KCNMA1: variants seen among roughly 807,000 people sequenced by gnomAD.
KCNMA1 encodes potassium calcium-activated channel subfamily M alpha 1.
A neutral mutation model predicts 140.0 loss-of-function variants in KCNMA1; 29 were observed. The ratio of observed to expected loss-of-function variants is 0.21; its 90% CI spans 0.15 to 0.28. The LOEUF (loss-of-function observed/expected upper bound fraction) is 0.28, where lower values mean the gene tolerates loss of function less well. Ranked by LOEUF, KCNMA1 falls within the 10% of genes least tolerant of loss-of-function variation. The pLI, the probability that KCNMA1 is intolerant of heterozygous loss-of-function variation, is 1.00. For missense variants in KCNMA1, 880 were observed against 1,602.2 expected (o/e 0.55, Z 7.70); for synonymous variants, 612 against 611.9 (o/e 1.00, Z 0.00).
chr10:77,198,061 A>AT (rs2041191364), intron 3 of KCNMA1, among the ~76,000 whole-genome samples: 1 of 152,150 alleles, frequency 6.6e-6, no homozygotes, highest in Non-Finnish European at 1.5e-5. Context: ...TTTATAATGT[A>AT]TTTCACTTCA....
rs536870333 is a variant in KCNMA1, at chr10:76,958,528, T to G, written c.2361-4604A>C. ...TTTTATGTGAAGTCTTAACCGCCGGTACCTCAGAATGTGACTGTATTTTGA... is the reference window on the plus strand; with the variant it reads ...TTTTATGTGAAGTCTTAACCGCCGGGACCTCAGAATGTGACTGTATTTTGA... On this transcript the variant is annotated intron_variant, in intron 20 of 27. Coordinates refer to ENST00000286628, the MANE Select transcript of KCNMA1 (RefSeq NM_001161352.2). Among the ~76,000 whole-genome samples, 10 of 152,334 alleles carry G rather than the reference T, an allele frequency of 6.6e-5. No individual in the cohort carries two copies. The South Asian group carries it at 2.1e-3, about 32-fold the overall frequency.
chr10:77,465,450 C>T (rs1207949099), intron 1 of KCNMA1, among the ~76,000 whole-genome samples: 1 of 152,174 alleles, frequency 6.6e-6, no homozygotes, highest in Admixed American at 6.6e-5. Context: ...TACAGAAATA[C>T]TCAGAGTTTT....
rs570314163 is a variant in KCNMA1 at position 77,328,966 on chromosome 10, G to A, written c.540+74896C>T. ...TGCCATTCTCCTGCCTCAGCCTCCC[G>A]AGTAGCTGGGACTACAGGCGCCTGC... On this transcript the variant is annotated intron_variant, in intron 2 of 27. Coordinates refer to ENST00000286628, the MANE Select transcript of KCNMA1 (RefSeq NM_001161352.2). Among the ~76,000 whole-genome samples the A allele has an allele frequency of 4.0e-5, 6 of 151,830 alleles. No individual in the cohort carries two copies. In the South Asian group the frequency reaches 8.4e-4, roughly 21 times the overall value.
intron 21 of KCNMA1, chr10:76,949,606 C>T (rs1239015612): frequency 1.8e-6 from 1 of 556,022 alleles, no homozygotes; most frequent in Non-Finnish European, 3.2e-6. Flanking sequence ...CACATTGCTA[C>T]CTTCTTTGAC....
intron 2 of KCNMA1, among the ~76,000 whole-genome samples, chr10:77,383,629 T>C (rs933142648): frequency 2.6e-5 from 4 of 152,170 alleles, no homozygotes; most frequent in African/African-American, 7.2e-5. Flanking sequence ...ATACAAAATA[T>C]TATCAATAAG....
intron 18 of KCNMA1, among the ~76,000 whole-genome samples, chr10:77,010,093 C>T: frequency 6.6e-6 from 1 of 152,164 alleles, no homozygotes; most frequent in Non-Finnish European, 1.5e-5. Context: ...TTCCTTGATA[C>T]TCTGTGGGAT....
intron 24 of KCNMA1, chr10:76,913,896 G>A (rs1288836037): frequency 1.6e-6 from 1 of 615,898 alleles, no homozygotes; most frequent in Admixed American, 2.9e-5. Flanking sequence ...GAACAAGACA[G>A]TCGATTCCAA....
intron 1 of KCNMA1, among the ~76,000 whole-genome samples, chr10:77,498,278 T>C (rs2042643747): frequency 6.6e-6 from 1 of 152,164 alleles, no homozygotes; most frequent in Non-Finnish European, 1.5e-5. Context: ...CGGGACTCCC[T>C]GGTCACTATG....
exon 28 of KCNMA1, chr10:76,870,875 T>C (rs1027360659): frequency 2.6e-5 from 4 of 152,290 alleles, no homozygotes; most frequent in Non-Finnish European, 5.9e-5. Flanking sequence ...AGTGAGTCTT[T>C]TGACTTGTGC....
At chr10:77,560,023 A>G (rs552446661) in intron 1 of KCNMA1, among the ~76,000 whole-genome samples, 1 of 148,184 alleles carries the variant, frequency 6.7e-6, no homozygotes, top group African/African-American at 2.5e-5. Context: ...TAAAAATACA[A>G]AAAAAAAAAA....
intron 3 of KCNMA1, among the ~76,000 whole-genome samples, chr10:77,204,756 A>C (rs1424064594): frequency 6.6e-6 from 1 of 152,202 alleles, no homozygotes. Flanking sequence ...TCTATAGATA[A>C]CAACTTGAAC....
At chr10:77,136,402 G>C (rs547124487) in intron 5 of KCNMA1, among the ~76,000 whole-genome samples, 1 of 152,234 alleles carries the variant, frequency 6.6e-6, no homozygotes, top group South Asian at 2.1e-4. Flanking sequence ...GCTGAGGGGA[G>C]AGGAAAAATT....
At chr10:77,057,839 T>A (rs1248918194) in intron 14 of KCNMA1, among the ~76,000 whole-genome samples, 2 of 151,716 alleles carry the variant, frequency 1.3e-5, no homozygotes, top group South Asian at 2.1e-4. Context: ...TTTTGAAAAA[T>A]TAGTCTAATT....
chr10:77,421,301 C>G (rs1405463756), intron 1 of KCNMA1, among the ~76,000 whole-genome samples: 1 of 152,206 alleles, frequency 6.6e-6, no homozygotes, highest in African/African-American at 2.4e-5. Flanking sequence ...CCTAACTCAC[C>G]CTCCACCTCC....
In KCNMA1 at chr10:77,637,765, C is replaced by A; in HGVS notation, c.-123G>T. Reference sequence around the variant, plus strand: ...TGCCGCCGCCGCCGCCGCCGCGGAGCGCGGGAGGGGGGCGGGGAGGCGCCT... The same window carrying A: ...TGCCGCCGCCGCCGCCGCCGCGGAGAGCGGGAGGGGGGCGGGGAGGCGCCT... On this transcript the variant is annotated 5_prime_UTR_variant, in exon 1 of 28. Transcript: ENST00000286628. 7.9e-7 allele frequency: 1 copy of A among 1,260,208 alleles called. No homozygotes were observed. The highest frequency in any genetic ancestry group is 1.0e-6 in the Non-Finnish European group (1 of 1,001,986). The allele number at this position is 1,260,208 out of a possible 1,614,324, so 78.1% of individuals were successfully genotyped here. A position where few individuals can be genotyped will look rare whatever the true frequency, so the allele number is the denominator to read the frequency against.
chr10:77,571,282 A>G (rs1219190989), intron 1 of KCNMA1, among the ~76,000 whole-genome samples: 1 of 152,210 alleles, frequency 6.6e-6, no homozygotes, highest in Non-Finnish European at 1.5e-5. Flanking sequence ...GTGAAAGCTC[A>G]TGCTTGAATG....
chr10:77,573,475 A>C (rs1451046155), intron 1 of KCNMA1, among the ~76,000 whole-genome samples: 1 of 152,182 alleles, frequency 6.6e-6, no homozygotes, highest in East Asian at 1.9e-4. Context: ...GAAGCATAAT[A>C]TGAGGCAAAA....
intron 12 of KCNMA1, among the ~76,000 whole-genome samples, chr10:77,080,207 C>A (rs564102588): frequency 1.3e-5 from 2 of 152,162 alleles, no homozygotes; most frequent in South Asian, 2.1e-4. Context: ...AAGTTACTAC[C>A]CCTTCCCTAG....
chr10:77,353,973 G>A lies in KCNMA1; in HGVS notation c.540+49889C>T, dbSNP rs1240810835. Among the ~76,000 whole-genome samples, 8 of 14,842 alleles carry A rather than the reference G, an allele frequency of 5.4e-4. 1 individual carries two copies. Among genetic ancestry groups the A allele is most frequent in the Admixed American group, 3.0e-3 (5 of 1,668 alleles). 9.7% of individuals were successfully genotyped at this position (14,842 alleles called of 152,430 possible). ...CATGGCATCCTGCCTCTTTTTTTGG[G>A]GGGGGGGGTGGTGGGGGTGGAGGGG... On this transcript the variant is annotated intron_variant, in intron 2 of 27. Coordinates refer to ENST00000286628, the MANE Select transcript of KCNMA1 (RefSeq NM_001161352.2).
Sources: gnomAD v4.1 joint callset for allele counts (sites outside exome capture counted in the v4.1 genomes callset) on GRCh38, gnomAD v4.1.1 for gene constraint, MANE v1.5 for transcripts, NCBI Gene and HGNC (gene_info 2026-07-23, HGNC 2026-07-21) for gene names.